Variants in TMEM178B observed in about 807,000 individuals in gnomAD.
TMEM178B encodes the protein transmembrane protein 178B.
TMEM178B carries 5 observed loss-of-function variants against 31.0 expected under a neutral mutation model. The observed-to-expected ratio is 0.16, with a 90% CI of 0.08 to 0.34. TMEM178B has a LOEUF of 0.34. Among genes scored for constraint, TMEM178B ranks in the 10% least tolerant of loss-of-function variants. The pLI is 1.00. For missense variants in TMEM178B, 275 were observed against 400.3 expected, an observed-to-expected ratio of 0.69 and a Z score of 2.67; for synonymous variants, 164 against 164.0, an observed-to-expected ratio of 1.00 and a Z score of 0.00.
intron 2 of TMEM178B, among the ~76,000 whole-genome samples, chr7:141,216,948 G>A (rs1797162488): frequency 6.6e-6 from 1 of 152,110 alleles, no homozygotes. Context: ...AGGACACAGC[G>A]GGACAGGCAA....
intron 1 of TMEM178B, among the ~76,000 whole-genome samples, chr7:141,170,408 T>G (rs1333011667): frequency 2.0e-5 from 3 of 152,208 alleles, no homozygotes; most frequent in Non-Finnish European, 4.4e-5. Flanking sequence ...GCGGCTCTTC[T>G]CAGTTTTTTA....
intron 1 of TMEM178B, among the ~76,000 whole-genome samples, chr7:141,145,488 A>G (rs913118874): frequency 1.1e-4 from 16 of 152,212 alleles, no homozygotes; most frequent in Admixed American, 6.5e-4. Context: ...AGGAACAGAA[A>G]GATGGCCTTT....
intron 2 of TMEM178B, among the ~76,000 whole-genome samples, chr7:141,234,441 G>T (rs1283279789): frequency 6.6e-6 from 1 of 152,166 alleles, no homozygotes; most frequent in Non-Finnish European, 1.5e-5. Context: ...AGGCCAGAGG[G>T]ATGTCTGAGC....
chr7:141,251,849 T>C (rs947392387), intron 2 of TMEM178B, among the ~76,000 whole-genome samples: 3 of 152,158 alleles, frequency 2.0e-5, no homozygotes, highest in African/African-American at 7.2e-5. Context: ...ACCTGGGGAT[T>C]TCAGCAGCAC....
chr7:141,115,610 G>T (rs1290148429), intron 1 of TMEM178B, among the ~76,000 whole-genome samples: 3 of 152,164 alleles, frequency 2.0e-5, no homozygotes, highest in Non-Finnish European at 4.4e-5. Context: ...AAAGGGCTAA[G>T]AAACTGTTGA....
the TMEM178B span, among the ~76,000 whole-genome samples, chr7:141,504,955 T>G: frequency 6.6e-6 from 1 of 152,250 alleles, no homozygotes; most frequent in Non-Finnish European, 1.5e-5. Flanking sequence ...AACAAGGTCC[T>G]AACATATTTT....
In TMEM178B at chr7:141,437,762, G is replaced by A. The variant is rs1202110457; in HGVS notation, c.634+17G>A. On this transcript the variant is annotated intron_variant, in intron 3 of 3. Transcript: ENST00000565468. ...TCATGGGAGGTAAGGCTACGGGCTC[G>A]GCTTGTGGGTGGCAGTGGACAGGGT... The A allele has an allele frequency of 3.5e-5, 53 of 1,535,890 alleles. No homozygotes were observed. Among genetic ancestry groups the A allele is most frequent in the Middle Eastern group, 1.7e-4 (1 of 6,008 alleles).
chr7:141,308,805 T>C (rs1014013145), intron 2 of TMEM178B, among the ~76,000 whole-genome samples: 2 of 152,260 alleles, frequency 1.3e-5, no homozygotes, highest in South Asian at 4.2e-4. Context: ...ATGAGCTGGG[T>C]GGGGAGGGGC....
At chr7:141,341,185 G>T (rs1301499698) in intron 2 of TMEM178B, among the ~76,000 whole-genome samples, 1 of 152,140 alleles carries the variant, frequency 6.6e-6, no homozygotes, top group East Asian at 1.9e-4. Flanking sequence ...CTGCTTGCCG[G>T]TTGTTGTTTC....
intron 2 of TMEM178B, among the ~76,000 whole-genome samples, chr7:141,275,357 T>C (rs1178195979): frequency 1.3e-5 from 2 of 152,212 alleles, no homozygotes; most frequent in Non-Finnish European, 2.9e-5. Context: ...TAGCTGCAGT[T>C]TTTATGAATG....
rs1053966914 is a variant in TMEM178B, at chr7:141,305,496, C to T, written c.496+92792C>T. On this transcript the variant is annotated intron_variant, in intron 2 of 3. Transcript: ENST00000565468. ...AGGCTGGAGTGCAGTGGTGCGATCTCGGCTCACTTCAACCCCCGCCTCCAG... is the reference window on the plus strand; with the variant it reads ...AGGCTGGAGTGCAGTGGTGCGATCTTGGCTCACTTCAACCCCCGCCTCCAG... 2.0e-4 allele frequency among the ~76,000 whole-genome samples: 30 copies of T among 151,742 alleles called. No individual in the cohort carries two copies. The South Asian group carries it at 3.1e-3, about 16-fold the overall frequency.
intron 1 of TMEM178B, among the ~76,000 whole-genome samples, chr7:141,182,430 C>T (rs1796544145): frequency 6.6e-6 from 1 of 152,102 alleles, no homozygotes; most frequent in Admixed American, 6.5e-5. Flanking sequence ...TGTATATTCC[C>T]CTTATATGTA....
intron 3 of TMEM178B, among the ~76,000 whole-genome samples, chr7:141,459,331 G>A (rs1270324541): frequency 1.3e-5 from 2 of 152,098 alleles, no homozygotes; most frequent in Non-Finnish European, 2.9e-5. Context: ...CCCGGCCAAT[G>A]TTCATATTTT....
At chr7:141,373,188 G>A (rs1800149712) in intron 2 of TMEM178B, among the ~76,000 whole-genome samples, 1 of 152,196 alleles carries the variant, frequency 6.6e-6, no homozygotes, top group South Asian at 2.1e-4. Context: ...TATTGGAAGT[G>A]CTCTGGAAAC....
At chr7:141,155,587 C>T (rs139271933) in intron 1 of TMEM178B, among the ~76,000 whole-genome samples, 134 of 152,342 alleles carry the variant, frequency 8.8e-4, no homozygotes, top group African/African-American at 3.2e-3. Flanking sequence ...TTGGCTTCCA[C>T]GTCTGATGGA....
At chr7:141,273,429 T>C (rs1563137971) in intron 2 of TMEM178B, among the ~76,000 whole-genome samples, 1 of 152,186 alleles carries the variant, frequency 6.6e-6, no homozygotes, top group Admixed American at 6.5e-5. Flanking sequence ...ATTAAATATT[T>C]AAAAAATGCT....
At chr7:141,250,183 C>G (rs1797807342) in intron 2 of TMEM178B, among the ~76,000 whole-genome samples, 1 of 152,162 alleles carries the variant, frequency 6.6e-6, no homozygotes, top group Admixed American at 6.5e-5. Context: ...TATTAACTAG[C>G]TAGTTTTATA....
At chr7:141,447,635 C>T (rs1801784726) in intron 3 of TMEM178B, among the ~76,000 whole-genome samples, 1 of 152,164 alleles carries the variant, frequency 6.6e-6, no homozygotes, top group Non-Finnish European at 1.5e-5. Flanking sequence ...TTTTATCAAC[C>T]TCTCTGGCTA....
At chr7:141,100,838 A>C (rs2129173774) in intron 1 of TMEM178B, among the ~76,000 whole-genome samples, 1 of 152,290 alleles carries the variant, frequency 6.6e-6, no homozygotes, top group South Asian at 2.1e-4. Flanking sequence ...ATTTATTCCG[A>C]AAGAGGCATT....
Sources: allele counts gnomAD v4.1 joint callset (sites outside exome capture counted in the v4.1 genomes callset), GRCh38; gene constraint gnomAD v4.1.1; transcripts MANE v1.5; gene names NCBI Gene and HGNC (gene_info 2026-07-23, HGNC 2026-07-21).